GBF1: variants seen among roughly 807,000 people sequenced by gnomAD.
GBF1 encodes the protein Golgi-specific brefeldin A-resistance guanine nucleotide exchange factor 1.
A neutral mutation model predicts 210.5 loss-of-function variants in GBF1; 114 were observed. The ratio of observed to expected loss-of-function variants is 0.54; its 90% CI spans 0.47 to 0.63. GBF1 has a LOEUF of 0.63. GBF1 is among the 30% of genes least tolerant of loss of function. GBF1 has a pLI of 0.00. For missense variants in GBF1, 1,851 were observed against 2,357.7 expected (o/e 0.79, Z 4.45); for synonymous variants, 850 against 889.2 (o/e 0.96, Z 0.78).
chr10:102,251,343 G>T (rs112714143), intron 1 of GBF1, among the ~76,000 whole-genome samples: 128 of 152,206 alleles, frequency 8.4e-4, no homozygotes, highest in African/African-American at 3.0e-3. Flanking sequence ...TGAGGTGGAT[G>T]TGTGCTGTAC....
intron 3 of GBF1, among the ~76,000 whole-genome samples, chr10:102,270,685 C>T (rs1435398556): frequency 6.6e-6 from 1 of 152,188 alleles, no homozygotes; most frequent in Admixed American, 6.5e-5. Context: ...TGTTCTCCTA[C>T]ATAATACCAT....
chr10:102,331,895 T>C (rs2057363390), intron 3 of GBF1, among the ~76,000 whole-genome samples: 1 of 142,064 alleles, frequency 7.0e-6, no homozygotes. Context: ...CGTCTGGCTC[T>C]GTCGCCCAGG....
upstream of GBF1, among the ~76,000 whole-genome samples, chr10:102,241,880 A>G (rs145480928): frequency 5.3e-5 from 8 of 152,336 alleles, no homozygotes; most frequent in Non-Finnish European, 1.0e-4. This position sits in a 1 kb window ranked among gnomAD's most constrained non-coding sequence, Gnocchi z 6.7. Context: ...CCCCGAGGAA[A>G]GTGGATCGGC....
chr10:102,370,797 G>A lies in GBF1; in HGVS notation c.3597G>A (p.Arg1199=), dbSNP rs1219326399. ...QAQDFCFLVE[R]AVVGLLRLAI... ...AAGATTTCTGCTTCCTTGTGGAGCG[G>A]GCAGTGGTGGGGTTGCTACGCCTGG... The change falls in exon 29 of 40, where the codon CGG becomes CGA. Residue 1199 remains arginine (R), a synonymous_variant. Coordinates refer to ENST00000369983, the MANE Select transcript of GBF1 (RefSeq NM_001377137.1). 1.9e-6 allele frequency: 3 copies of A among 1,614,006 alleles called. No homozygotes were observed. In the African/African-American group the frequency reaches 4.0e-5, roughly 22 times the overall value.
intron 3 of GBF1, among the ~76,000 whole-genome samples, chr10:102,263,061 A>G (rs1188513608): frequency 6.6e-6 from 1 of 152,200 alleles, no homozygotes; most frequent in Admixed American, 6.5e-5. Flanking sequence ...TGAGAAAATG[A>G]CAGAATAGAC....
chr10:102,339,700 T>C (rs980298700), intron 3 of GBF1, among the ~76,000 whole-genome samples: 3 of 152,208 alleles, frequency 2.0e-5, no homozygotes, highest in South Asian at 4.2e-4. Context: ...TTTATAATAA[T>C]TAACACAGTG....
At chr10:102,282,965 G>A (rs1488868436) in intron 3 of GBF1, among the ~76,000 whole-genome samples, 3 of 152,122 alleles carry the variant, frequency 2.0e-5, no homozygotes, top group Admixed American at 6.5e-5. Context: ...AAAGGGGAGA[G>A]GTGAGAGGAG....
At chr10:102,230,648 G>C in the GBF1 span, 7 of 1,601,982 alleles carry the variant, frequency 4.4e-6, no homozygotes, top group Non-Finnish European at 5.1e-6. Flanking sequence ...GAGTTACACG[G>C]GTCCCGATAG....
intron 3 of GBF1, among the ~76,000 whole-genome samples, chr10:102,327,567 C>T (rs2057002076): frequency 1.3e-5 from 2 of 152,134 alleles, no homozygotes; most frequent in South Asian, 4.2e-4. Flanking sequence ...TGGCGGCCCT[C>T]CTCTCTTTCT....
chr10:102,371,550 C>A (rs2060205807), intron 29 of GBF1, among the ~76,000 whole-genome samples: 1 of 152,180 alleles, frequency 6.6e-6, no homozygotes, highest in Non-Finnish European at 1.5e-5. Flanking sequence ...CAGAAAGGTT[C>A]TTGTAGACAT....
At position 102,367,095 on chromosome 10, in the gene GBF1, G is replaced by T. The variant is rs1479362058; in HGVS notation, c.2444G>T (p.Gly815Val). ...TCTTTGCTTTTTCAGAATTGTAATG[G>T]CTCCCCATTTGCCAATAGCGATGCC... ...AFTERWMNCN[G>V]SPFANSDACF... Residue 815 changes from glycine (G) to valine (V), a missense_variant, in exon 20 of 40, where the codon GGC becomes GTC. By Grantham distance (109) the Gly-to-Val change is moderately radical. Around this residue, in one of 3 missense-constraint regions of GBF1, gnomAD observed 80 missense variants for 151.4 expected, o/e 0.53. Transcript: ENST00000369983. 1 of 1,613,964 alleles carries T rather than the reference G, an allele frequency of 6.2e-7. No homozygotes were observed. The highest frequency in any genetic ancestry group is 1.3e-5 in the African/African-American group (1 of 74,886).
At chr10:102,242,928 C>CAAAAAAA (rs58301527), upstream of GBF1, among the ~76,000 whole-genome samples, 1 of 132,406 alleles carries the variant, frequency 7.6e-6, no homozygotes, top group African/African-American at 2.9e-5. Flanking sequence ...GACTCTGTCT[C>CAAAAAAA]AAAAAAAAAA....
At chr10:102,378,143 G>A (rs1033909701) in intron 33 of GBF1, among the ~76,000 whole-genome samples, 4 of 151,388 alleles carry the variant, frequency 2.6e-5, no homozygotes, top group Admixed American at 6.6e-5. Context: ...GCGTGAACCC[G>A]GGAGGCAGAG....
At chr10:102,317,185 TACTCCAGA>T (rs201984174) in intron 3 of GBF1, among the ~76,000 whole-genome samples, 1,555 of 152,280 alleles carry the variant, frequency 0.01, 22 homozygotes, top group African/African-American at 0.036. Context: ...TAGTCCCAGC[TACTCCAGA>T]GGCTGAGATG....
chr10:102,324,502 A>T (rs778752675), intron 3 of GBF1, among the ~76,000 whole-genome samples: 1 of 152,244 alleles, frequency 6.6e-6, no homozygotes, highest in Non-Finnish European at 1.5e-5. Context: ...GGAAAAAGAC[A>T]TAGACTTTGG....
Position 102,368,820 on chromosome 10 carries a change from T to C in GBF1, c.2961T>C (p.Ala987=). 6.2e-7 allele frequency: 1 copy of C among 1,607,504 alleles called. No individual in the cohort carries two copies. The highest frequency in any genetic ancestry group is 1.1e-5 in the South Asian group (1 of 90,954). ...NLIISLCKFT[A]LSSESIENLP... is the part of the protein sequence containing the mutation. ...TCATCTCTCTATGCAAATTCACAGC[T>C]CTCAGCAGTGAGGTGAGCAGGTGCA... Residue 987 remains alanine, a synonymous_variant, in exon 23 of 40, where the codon GCT becomes GCC. Coordinates refer to ENST00000369983, the MANE Select transcript of GBF1 (RefSeq NM_001377137.1).
intron 10 of GBF1, chr10:102,358,984 A>G (rs1255555513): frequency 2.0e-5 from 12 of 587,816 alleles, no homozygotes; most frequent in South Asian, 1.7e-4. Flanking sequence ...GGAGCTGGCC[A>G]TTGCTTTTTC....
chr10:102,342,479 A>C (rs1179236867), intron 3 of GBF1, among the ~76,000 whole-genome samples: 1 of 151,910 alleles, frequency 6.6e-6, no homozygotes, highest in Non-Finnish European at 1.5e-5. Context: ...AGGTGGGGGT[A>C]GTAGGGGAAG....
chr10:102,310,778 A>G (rs2133974168), intron 3 of GBF1, among the ~76,000 whole-genome samples: 1 of 152,360 alleles, frequency 6.6e-6, no homozygotes, highest in Admixed American at 6.5e-5. Context: ...TGCTAAATAT[A>G]CATCCCTGAC....
Sources: gnomAD v4.1 joint callset for allele counts (sites outside exome capture counted in the v4.1 genomes callset) on GRCh38, gnomAD v4.1.1 for gene constraint, gnomAD v4.1.1 regional missense constraint, Gnocchi (gnomAD v3.1) non-coding constraint, MANE v1.5 for transcripts, NCBI Gene and HGNC (gene_info 2026-07-23, HGNC 2026-07-21) for gene names.